ADGRF1: variants seen among roughly 807,000 people sequenced by gnomAD.
The protein encoded by ADGRF1 is G protein-coupled receptor 110.
ADGRF1 carries 85 observed loss-of-function variants against 87.2 expected under a neutral mutation model. The observed-to-expected ratio is 0.97, with a 90% confidence interval of 0.82 to 1.17. The LOEUF is 1.17. ADGRF1 is among the 50% of genes most tolerant of loss of function. The probability of loss-of-function intolerance (pLI) is 0.00; values close to 1 mark genes in which losing one functional copy is unlikely to be tolerated. For synonymous variants in ADGRF1, 430 were observed against 408.8 expected, an observed-to-expected ratio of 1.05 and a Z score of -0.63; for missense variants, 1,169 against 1,077.2, an observed-to-expected ratio of 1.09 and a Z score of -1.19.
At chr6:47,023,814 T>C (rs1236874836) in intron 5 of ADGRF1, among the ~76,000 whole-genome samples, 2 of 152,194 alleles carry the variant, frequency 1.3e-5, no homozygotes, top group African/African-American at 2.4e-5. Context: ...AGAGCTGAGC[T>C]GGATGGACCT....
At chr6:47,032,635 A>G (rs999261003) in intron 1 of ADGRF1, among the ~76,000 whole-genome samples, 1 of 152,216 alleles carries the variant, frequency 6.6e-6, no homozygotes, top group Admixed American at 6.5e-5. Context: ...CAGATTTTCT[A>G]TACTTTGGTT....
At chr6:47,038,379 C>A (rs1288126933) in intron 1 of ADGRF1, among the ~76,000 whole-genome samples, 2 of 152,148 alleles carry the variant, frequency 1.3e-5, no homozygotes, top group Non-Finnish European at 2.9e-5. Flanking sequence ...AGTTTGCCAA[C>A]TATTTTTCCC....
chr6:47,010,469 T>C (rs1779673409), intron 10 of ADGRF1, 151 bp from the exon 11 acceptor site: 2 of 721,744 alleles, frequency 2.8e-6, no homozygotes, highest in Non-Finnish European at 4.4e-6. Flanking sequence ...CAAATTTAGC[T>C]CAGTTCATCT....
chr6:47,010,623 T>C (rs1779677728), intron 10 of ADGRF1, among the ~76,000 whole-genome samples: 1 of 152,172 alleles, frequency 6.6e-6, no homozygotes, highest in South Asian at 2.1e-4. Flanking sequence ...ACATGTGATG[T>C]GCATTTCCTC....
chr6:47,010,105 C>T lies in ADGRF1; in HGVS notation c.1330G>A (p.Gly444Ser). 4 of 1,614,054 alleles carry T rather than the reference C, an allele frequency of 2.5e-6. No homozygotes were observed. The South Asian group carries it at 4.4e-5, about 18-fold the overall frequency. ...CACATTTTAATCTGATAGCTGTAACCCCTTTTGAGTTGGCTTTTGTTCACT... is the reference window on the plus strand; with the variant it reads ...CACATTTTAATCTGATAGCTGTAACTCCTTTTGAGTTGGCTTTTGTTCACT... ...IPVNKSQLKRGYSYQIKMCPQ... is the reference protein window; with the variant it reads ...IPVNKSQLKRSYSYQIKMCPQ... The change falls in exon 11 of 15, where the codon GGT becomes AGT. Residue 444 changes from glycine (G) to serine (S), a missense_variant. Gly to Ser is a moderately conservative substitution (Grantham distance 56). Transcript: ENST00000371253.
chr6:47,036,674 A>G (rs1306098095), intron 1 of ADGRF1, among the ~76,000 whole-genome samples: 1 of 152,224 alleles, frequency 6.6e-6, no homozygotes, highest in African/African-American at 2.4e-5. Context: ...TTTCAAACCT[A>G]CCAAAACCCA....
chr6:47,012,840 G>A (rs1265812692), intron 9 of ADGRF1: 24 of 881,728 alleles, frequency 2.7e-5, no homozygotes, highest in Non-Finnish European at 1.9e-5. Flanking sequence ...CATGATCTCA[G>A]CTCACTGCAA....
rs1160277824 is a variant in ADGRF1, at chr6:46,998,450, A to T, written c.*1772T>A. Reference sequence around the variant, plus strand: ...CTAAAAGAGCCCCATGCTGACCTTCACTCTTGCATGTCTCACTATGGTTCA... The same window carrying T: ...CTAAAAGAGCCCCATGCTGACCTTCTCTCTTGCATGTCTCACTATGGTTCA... On this transcript the variant is annotated 3_prime_UTR_variant, in exon 15 of 15. Coordinates refer to ENST00000371253, the MANE Select transcript of ADGRF1 (RefSeq NM_153840.4). 1 of 152,060 alleles carries T rather than the reference A, an allele frequency of 6.6e-6. No individual in the cohort carries two copies. Among genetic ancestry groups the T allele is most frequent in the African/African-American group, 2.4e-5 (1 of 41,382 alleles). 9.4% of individuals were successfully genotyped at this position (152,060 alleles called of 1,614,324 possible).
At chr6:47,030,447 T>C (rs981027963) in intron 1 of ADGRF1, among the ~76,000 whole-genome samples, 6 of 152,176 alleles carry the variant, frequency 3.9e-5, no homozygotes, top group Admixed American at 2.0e-4. Context: ...GCTTATCTGC[T>C]GTGAGTTCTA....
At chr6:47,028,126 A>G (rs138098477) in intron 2 of ADGRF1, among the ~76,000 whole-genome samples, 13 of 152,264 alleles carry the variant, frequency 8.5e-5, no homozygotes, top group Non-Finnish European at 1.3e-4. Flanking sequence ...GTAGCTTTGA[A>G]CAGGGGAAAA....
rs991693206 is a variant in ADGRF1, at chr6:47,010,220, T to C, written c.1215A>G (p.Leu405=). The C allele has an allele frequency of 1.9e-6, 3 of 1,614,002 alleles. No individual in the cohort carries two copies. Among genetic ancestry groups the C allele is most frequent in the Non-Finnish European group, 1.7e-6 (2 of 1,179,932 alleles). The change falls in exon 11 of 15, where the codon CTA becomes CTG. Residue 405 remains leucine (L), a synonymous_variant. Transcript: ENST00000371253. ...GAGTGCTGATGTTTTCTAATGTCTC[T>C]AGTAACCGTGAGCTGGCATACTTTT... ...REEKYASSRL[L]ETLENISTLV...
chr6:47,018,409 C>G (rs969805551), intron 7 of ADGRF1: 45 of 1,279,898 alleles, frequency 3.5e-5, no homozygotes, highest in Non-Finnish European at 4.3e-5. Context: ...CAAATTCTTA[C>G]TACATTGAAC....
In ADGRF1 at chr6:47,031,293, T is replaced by C. The variant is rs545585691; in HGVS notation, c.-43-2189A>G. 1.7e-4 allele frequency among the ~76,000 whole-genome samples: 26 copies of C among 148,860 alleles called. No homozygotes were observed. The South Asian group carries it at 3.0e-3, about 17-fold the overall frequency. ...TCTTCTCTCTCTCTCTCTCTCTCTC[T>C]GTCTGACTCTCTCTGTCTCTCTGTC... On this transcript the variant is annotated intron_variant, in intron 1 of 14. Coordinates refer to ENST00000371253, the MANE Select transcript of ADGRF1 (RefSeq NM_153840.4).
At chr6:47,023,983 C>T in intron 5 of ADGRF1, 61 bp downstream of exon 5, 1 of 1,436,894 alleles carries the variant, frequency 7.0e-7, no homozygotes, top group Non-Finnish European at 9.6e-7. Flanking sequence ...AGCAAGCGTC[C>T]CCTCTCTGTT....
At position 47,009,588 on chromosome 6, in the gene ADGRF1, T is replaced by C; in HGVS notation, c.1847A>G (p.Lys616Arg). ...IEALFWKQIK[K>R]SQTSHTRRIC... ...ACGACGTGTGTGAGAGGTTTGGCTT[T>C]TTTTAATCTGCTTCCAAAACAAAGC... Residue 616 changes from lysine (K) to arginine (R), a missense_variant, in exon 11 of 15, where the codon AAA (lysine) becomes AGA (arginine). Coordinates refer to ENST00000371253, the MANE Select transcript of ADGRF1 (RefSeq NM_153840.4). The C allele has an allele frequency of 6.2e-7, 1 of 1,614,184 alleles. No homozygotes were observed. The highest frequency in any genetic ancestry group is 8.5e-7 in the Non-Finnish European group (1 of 1,180,012).
intron 7 of ADGRF1, 170 bp downstream of exon 7, chr6:47,020,561 C>T: frequency 6.6e-7 from 1 of 1,509,124 alleles, no homozygotes; most frequent in African/African-American, 1.4e-5. Flanking sequence ...AGGCTTTACT[C>T]TTCAGACTTT....
intron 13 of ADGRF1, among the ~76,000 whole-genome samples, chr6:47,005,213 A>G (rs1322813812): frequency 1.3e-5 from 2 of 152,136 alleles, no homozygotes; most frequent in African/African-American, 4.8e-5. Flanking sequence ...TAAATATACT[A>G]TCCCCATATG....
At position 47,014,807 on chromosome 6, in the gene ADGRF1, C is replaced by T. The variant is rs747182448; in HGVS notation, c.801G>A (p.Lys267=). ...TGCAGGGCAGGGTATATTCATCATC[C>T]TTGGACCCAAATCCAAAGACAATGT... ...CNDIVFGFGS[K]DDEYTLPCSS... The change falls in exon 9 of 15, where the codon AAG becomes AAA. Residue 267 remains lysine, a synonymous_variant. Transcript: ENST00000371253. The T allele has an allele frequency of 1.9e-6, 3 of 1,612,392 alleles. No individual in the cohort carries two copies. The highest frequency in any genetic ancestry group is 2.2e-5 in the East Asian group (1 of 44,830).
At chr6:47,014,483 A>G (rs1239487968) in intron 9 of ADGRF1, 198 bp downstream of exon 9, 1 of 1,330,162 alleles carries the variant, frequency 7.5e-7, no homozygotes. Context: ...TTGAGCTGCA[A>G]CCTAGACTCT....
Sources: allele counts gnomAD v4.1 joint callset (sites outside exome capture counted in the v4.1 genomes callset), GRCh38; gene constraint gnomAD v4.1.1; transcripts MANE v1.5; gene names NCBI Gene and HGNC (gene_info 2026-07-23, HGNC 2026-07-21).